ZNF684: variants seen among roughly 807,000 people sequenced by gnomAD.
ZNF684 encodes the protein zinc finger protein 684.
Under a neutral mutation model 12.8 loss-of-function variants are expected in ZNF684, and 13 were observed. That is an observed-to-expected ratio of 1.02 (90% CI 0.66 to 1.62). ZNF684 has a LOEUF of 1.62. Among genes scored for constraint, ZNF684 ranks in the 40% most tolerant of loss-of-function variants. ZNF684 has a pLI of 0.00. For missense variants in ZNF684, 384 were observed against 446.9 expected, an observed-to-expected ratio of 0.86 and a Z score of 1.27; for synonymous variants, 118 against 151.8, an observed-to-expected ratio of 0.78 and a Z score of 1.64.
chr1:40,538,349 C>T (rs6600342), intron 2 of ZNF684, among the ~76,000 whole-genome samples: 72,046 of 151,994 alleles, frequency 0.47, 18,460 homozygotes, highest in African/African-American at 0.65. Flanking sequence ...CTTGATTCCT[C>T]TTTTATTGCC....
chr1:40,545,822 A>T (rs1003076659), intron 4 of ZNF684, among the ~76,000 whole-genome samples: 1 of 150,366 alleles, frequency 6.7e-6, no homozygotes, highest in Non-Finnish European at 1.5e-5. Context: ...TTAATTATGT[A>T]GTGATTTATA....
At chr1:40,539,630 C>T (rs1351327291) in intron 2 of ZNF684, among the ~76,000 whole-genome samples, 1 of 152,136 alleles carries the variant, frequency 6.6e-6, no homozygotes, top group Admixed American at 6.5e-5. Flanking sequence ...TCATTGTCTG[C>T]GTTTGATTTT....
Position 40,546,964 on chromosome 1 carries a change from C to A in ZNF684, c.641C>A (p.Pro214His), listed in dbSNP as rs1402854520. 6.2e-7 allele frequency: 1 copy of A among 1,613,884 alleles called. No individual in the cohort carries two copies. Among genetic ancestry groups the A allele is most frequent in the African/African-American group, 1.3e-5 (1 of 74,872 alleles). Residue 214 changes from proline to histidine, a missense_variant, in exon 5 of 5, where the codon CCC (proline) becomes CAC (histidine). Pro to His is a moderately conservative substitution (Grantham distance 77, BLOSUM62 -2). Coordinates refer to ENST00000372699, the MANE Select transcript of ZNF684 (RefSeq NM_152373.4). The stretch of plus-strand genomic sequence containing the variant: ...CAGAAAATTCATAATGGAGAGAGAC[C>A]CTTTGTGTGCAATGATTGTGGGAAG... ...THQKIHNGER[P>H]FVCNDCGKAF...
rs1268519619 is a variant in ZNF684, at chr1:40,541,705, C to T, written c.233C>T (p.Ser78Phe). Residue 78 changes from serine (S) to phenylalanine (F), a missense_variant, in exon 4 of 5, where the codon TCT becomes TTT. Ser to Phe is a radical substitution (Grantham distance 155, BLOSUM62 -2). Coordinates refer to ENST00000372699, the MANE Select transcript of ZNF684 (RefSeq NM_152373.4). ...GAGGGAGCGAATCCACACGAGAGCTCTCCAGGTGAGTGAGAGAAATTCAGA... is the reference window on the plus strand; with the variant it reads ...GAGGGAGCGAATCCACACGAGAGCTTTCCAGGTGAGTGAGAGAAATTCAGA... ...MVEGANPHESSPESDYPLVDE... is the reference protein window; with the variant it reads ...MVEGANPHESFPESDYPLVDE... The T allele has an allele frequency of 1.2e-6, 2 of 1,612,396 alleles. No individual in the cohort carries two copies. Among genetic ancestry groups the T allele is most frequent in the Non-Finnish European group, 1.7e-6 (2 of 1,179,048 alleles).
chr1:40,534,441 A>G (rs1221795987), intron 2 of ZNF684, among the ~76,000 whole-genome samples: 1 of 149,134 alleles, frequency 6.7e-6, no homozygotes, highest in Non-Finnish European at 1.5e-5. Flanking sequence ...GGGTTTCACC[A>G]TGTTGGTCAG....
At chr1:40,536,349 G>A (rs550122982) in intron 2 of ZNF684, among the ~76,000 whole-genome samples, 6 of 143,000 alleles carry the variant, frequency 4.2e-5, no homozygotes, top group African/African-American at 7.8e-5. Flanking sequence ...AGCCGAGATC[G>A]CACCACTGCA....
At chr1:40,537,041 G>A (rs922284392) in intron 2 of ZNF684, among the ~76,000 whole-genome samples, 4 of 152,144 alleles carry the variant, frequency 2.6e-5, no homozygotes, top group African/African-American at 9.7e-5. Flanking sequence ...TAATGGGATG[G>A]CTGGGTCAAA....
intron 2 of ZNF684, among the ~76,000 whole-genome samples, chr1:40,534,589 G>A (rs1645974668): frequency 6.6e-6 from 1 of 152,006 alleles, no homozygotes; most frequent in Admixed American, 6.6e-5. Context: ...TGTAATTCCT[G>A]TACATTTCTT....
intron 4 of ZNF684, chr1:40,544,806 A>T (rs1646035121): frequency 6.6e-6 from 1 of 152,580 alleles, no homozygotes; most frequent in Non-Finnish European, 1.5e-5. Context: ...AGTTTAAAGT[A>T]TGCAAAATTT....
intron 2 of ZNF684, among the ~76,000 whole-genome samples, chr1:40,537,155 C>T (rs1156483627): frequency 6.6e-6 from 1 of 152,174 alleles, no homozygotes; most frequent in East Asian, 1.9e-4. Flanking sequence ...TCCCATTTCT[C>T]CACATCCTCT....
rs770079583 is a variant in ZNF684 at position 40,547,338 on chromosome 1, A to C, written c.1015A>C (p.Lys339Gln). The change falls in exon 5 of 5, where the codon AAG becomes CAG. Residue 339 changes from lysine to glutamine, a missense_variant. Transcript: ENST00000372699. ...TGAATGTGGCAAAGCCTTCATCAAG[A>C]AGTCCCATCTCCTCAGACATCAGAT... is the stretch of plus-strand genomic sequence containing the variant. ...CIECGKAFIKKSHLLRHQITH... is the reference protein window; with the variant it reads ...CIECGKAFIKQSHLLRHQITH... 2 of 1,613,954 alleles carry C rather than the reference A, an allele frequency of 1.2e-6. No homozygotes were observed. The highest frequency in any genetic ancestry group is 2.7e-5 in the African/African-American group (2 of 74,926).
intron 3 of ZNF684, 26 bp from the exon 4 acceptor site, chr1:40,541,589 C>T (rs184078300): frequency 4.7e-5 from 76 of 1,602,788 alleles, no homozygotes; most frequent in Non-Finnish European, 6.4e-5. Flanking sequence ...TTTGGCCCCA[C>T]TTCTATGCTG....
At chr1:40,538,640 T>C (rs923289721) in intron 2 of ZNF684, among the ~76,000 whole-genome samples, 1 of 151,926 alleles carries the variant, frequency 6.6e-6, no homozygotes, top group Non-Finnish European at 1.5e-5. Flanking sequence ...GGTGGATCAC[T>C]TGAGGTCAGG....
At chr1:40,537,738 G>A (rs1015085655) in intron 2 of ZNF684, among the ~76,000 whole-genome samples, 11 of 150,612 alleles carry the variant, frequency 7.3e-5, no homozygotes, top group Non-Finnish European at 1.0e-4. Flanking sequence ...GCAAGACTCC[G>A]TCTCAAAAAA....
intron 2 of ZNF684, 83 bp from the exon 3 acceptor site, chr1:40,540,503 A>G (rs1178381896): frequency 7.4e-7 from 1 of 1,357,884 alleles, no homozygotes; most frequent in Non-Finnish European, 9.9e-7. Flanking sequence ...TGAACATGAT[A>G]TGATATTAAG....
In ZNF684 at chr1:40,547,451, T is replaced by A; in HGVS notation, c.1128T>A (p.Ile376=). Residue 376 remains isoleucine, a synonymous_variant, in exon 5 of 5, where the codon ATT becomes ATA. Transcript: ENST00000372699. ...QKSNLIVHQK[I]HT is the part of the protein sequence containing the mutation. ...CAAATCTTATTGTACATCAGAAAAT[T>A]CATACATAATATTCACTTTATGAAT... 6.3e-7 allele frequency: 1 copy of A among 1,599,450 alleles called. No homozygotes were observed. Among genetic ancestry groups the A allele is most frequent in the Non-Finnish European group, 8.5e-7 (1 of 1,171,856 alleles).
At chr1:40,537,228 A>G (rs1452774743) in intron 2 of ZNF684, among the ~76,000 whole-genome samples, 3 of 152,198 alleles carry the variant, frequency 2.0e-5, no homozygotes, top group African/African-American at 7.2e-5. Flanking sequence ...AGACAGTCTC[A>G]GTAACATCTT....
Position 40,546,912 on chromosome 1 carries a change from A to G in ZNF684, c.589A>G (p.Ser197Gly), listed in dbSNP as rs1646052091. 14 of 1,614,100 alleles carry G rather than the reference A, an allele frequency of 8.7e-6. No individual in the cohort carries two copies. Among genetic ancestry groups the G allele is most frequent in the Non-Finnish European group, 1.2e-5 (14 of 1,180,042 alleles). The change falls in exon 5 of 5, where the codon AGC becomes GGC. Residue 197 changes from serine (S) to glycine (G), a missense_variant. Ser to Gly is a moderately conservative substitution (Grantham distance 56). Coordinates refer to ENST00000372699, the MANE Select transcript of ZNF684 (RefSeq NM_152373.4). ...ATGCAATGACTGTGGAAAAGCCTAT[A>G]GCAGGAAGGCACACCTTGCAACTCA... The part of the protein sequence containing the change: ...FECNDCGKAY[S>G]RKAHLATHQK...
At chr1:40,543,932 A>G (rs1646029925) in intron 4 of ZNF684, among the ~76,000 whole-genome samples, 1 of 152,090 alleles carries the variant, frequency 6.6e-6, no homozygotes, top group South Asian at 2.1e-4. Flanking sequence ...TGAAAAATTT[A>G]CATATACTGT....
Sources: allele counts gnomAD v4.1 joint callset (sites outside exome capture counted in the v4.1 genomes callset), GRCh38; gene constraint gnomAD v4.1.1; transcripts MANE v1.5; gene names NCBI Gene and HGNC (gene_info 2026-07-23, HGNC 2026-07-21).